CRPPA: variants seen among roughly 807,000 people sequenced by gnomAD.
CRPPA encodes D-ribitol-5-phosphate cytidylyltransferase.
Under a neutral mutation model 52.0 loss-of-function variants are expected in CRPPA, and 43 were observed. That is an observed-to-expected ratio of 0.83 (90% CI 0.65 to 1.07). CRPPA has a LOEUF of 1.07. Among genes scored for constraint, CRPPA ranks in the 50% least tolerant of loss-of-function variants. The pLI, the probability that CRPPA is intolerant of heterozygous loss-of-function variation, is 0.00. For missense variants in CRPPA, 629 were observed against 551.7 expected (o/e 1.14, Z -1.40); for synonymous variants, 250 against 203.5 (o/e 1.23, Z -1.94).
intron 9 of CRPPA, among the ~76,000 whole-genome samples, chr7:16,158,120 G>A (rs1026706556): frequency 2.0e-5 from 3 of 150,278 alleles, no homozygotes; most frequent in Non-Finnish European, 3.0e-5. Flanking sequence ...TCCTGACCTC[G>A]TGATCCGCCC....
intron 3 of CRPPA, among the ~76,000 whole-genome samples, chr7:16,321,028 AATGCCT>A (rs1785254216): frequency 6.6e-6 from 1 of 152,154 alleles, no homozygotes; most frequent in Admixed American, 6.5e-5. Context: ...GAAGTTTTCA[AATGCCT>A]ATCAGTGGGG....
chr7:16,379,277 T>A (rs1787004554), intron 2 of CRPPA, among the ~76,000 whole-genome samples: 1 of 152,210 alleles, frequency 6.6e-6, no homozygotes, highest in African/African-American at 2.4e-5. Flanking sequence ...CTTGAATTAA[T>A]TTGTCAAAGA....
intron 9 of CRPPA, among the ~76,000 whole-genome samples, chr7:16,096,341 C>T (rs188750968): frequency 6.6e-6 from 1 of 151,630 alleles, no homozygotes; most frequent in African/African-American, 2.4e-5. Flanking sequence ...ATGAGACATA[C>T]ATTGGAATCA....
intron 3 of CRPPA, among the ~76,000 whole-genome samples, chr7:16,346,031 C>A (rs1402680012): frequency 1.3e-5 from 2 of 152,056 alleles, no homozygotes; most frequent in Non-Finnish European, 2.9e-5. Context: ...ACTGATACAC[C>A]AAAATCAGAC....
intron 8 of CRPPA, among the ~76,000 whole-genome samples, chr7:16,250,378 A>G (rs879458256): frequency 1.3e-5 from 2 of 152,194 alleles, no homozygotes; most frequent in African/African-American, 2.4e-5. Context: ...AGAGACCACC[A>G]CAAACGTATT....
Position 16,293,660 on chromosome 7 carries a change from T to C in CRPPA, c.835+7761A>G, listed in dbSNP as rs1235488637. On this transcript the variant is annotated intron_variant, in intron 5 of 9. Transcript: ENST00000407010. Reference sequence around the variant, plus strand: ...CAAATAAAGACATGCAAGAAAACCATACACGCCCACACTGAAAGGTCAAAG... The same window carrying C: ...CAAATAAAGACATGCAAGAAAACCACACACGCCCACACTGAAAGGTCAAAG... Among the ~76,000 whole-genome samples, 5 of 152,022 alleles carry C rather than the reference T, an allele frequency of 3.3e-5. No individual in the cohort carries two copies. In the South Asian group the frequency reaches 8.3e-4, roughly 25 times the overall value.
chr7:16,285,840 T>C (rs1784414804), intron 5 of CRPPA, among the ~76,000 whole-genome samples: 1 of 150,458 alleles, frequency 6.6e-6, no homozygotes, highest in African/African-American at 2.5e-5. Context: ...CTGGCTAAGG[T>C]GAAACCCCAT....
chr7:16,291,282 T>G (rs752726867), intron 5 of CRPPA, among the ~76,000 whole-genome samples: 13 of 151,926 alleles, frequency 8.6e-5, no homozygotes, highest in Non-Finnish European at 1.8e-4. Flanking sequence ...AAGGAATATA[T>G]GTACCCCAAT....
In CRPPA at chr7:16,162,581, A is replaced by C. The variant is rs145990909; in HGVS notation, c.1251+53485T>G. Among the ~76,000 whole-genome samples, 1,016 of 152,216 alleles carry C rather than the reference A, an allele frequency of 6.7e-3. 13 individuals carry two copies. The highest frequency in any genetic ancestry group is 0.023 in the African/African-American group (973 of 41,522). ...TTCCATTCTTTTGCATTTGCTGAGG[A>C]GTGTTTTACTTCCAATTATGTGGTC... On this transcript the variant is annotated intron_variant, in intron 9 of 9. Transcript: ENST00000407010.
At chr7:16,226,844 G>C (rs970959224) in intron 8 of CRPPA, among the ~76,000 whole-genome samples, 6 of 151,842 alleles carry the variant, frequency 4.0e-5, no homozygotes, top group African/African-American at 1.4e-4. Flanking sequence ...AGTTTTTCAA[G>C]AACGTATTAA....
intron 5 of CRPPA, among the ~76,000 whole-genome samples, chr7:16,291,103 C>T (rs187323136): frequency 6.6e-6 from 1 of 151,974 alleles, no homozygotes; most frequent in Non-Finnish European, 1.5e-5. Context: ...AGTTACAGGG[C>T]TATTATCAAA....
At chr7:16,235,683 T>A (rs780720724) in intron 8 of CRPPA, among the ~76,000 whole-genome samples, 1 of 152,096 alleles carries the variant, frequency 6.6e-6, no homozygotes, top group Non-Finnish European at 1.5e-5. Flanking sequence ...AGAAGGTATC[T>A]TAGAGCCAGG....
At chr7:16,173,245 A>G (rs966056501) in intron 9 of CRPPA, among the ~76,000 whole-genome samples, 4 of 152,220 alleles carry the variant, frequency 2.6e-5, no homozygotes, top group Admixed American at 1.3e-4. Flanking sequence ...TCATTAATCA[A>G]GTGCCATATC....
At chr7:16,213,749 C>CA (rs11454459) in intron 9 of CRPPA, among the ~76,000 whole-genome samples, 41,266 of 131,686 alleles carry the variant, frequency 0.31, 5,852 homozygotes, top group South Asian at 0.5. Context: ...AACTTCGGCT[C>CA]AAAAAAAAAA....
At chr7:16,222,194 G>C (rs186542785) in intron 8 of CRPPA, among the ~76,000 whole-genome samples, 4 of 150,794 alleles carry the variant, frequency 2.7e-5, no homozygotes, top group African/African-American at 9.7e-5. Flanking sequence ...ACTGTTGCAA[G>C]AACAAAAAAC....
chr7:16,418,574 G>A (rs1172291616), intron 1 of CRPPA, among the ~76,000 whole-genome samples: 1 of 152,134 alleles, frequency 6.6e-6, no homozygotes, highest in Non-Finnish European at 1.5e-5. Flanking sequence ...AAAGGAAGGT[G>A]CCTTCTTCAC....
intron 8 of CRPPA, among the ~76,000 whole-genome samples, chr7:16,256,293 A>G (rs1370952715): frequency 3.3e-5 from 5 of 152,178 alleles, no homozygotes; most frequent in African/African-American, 1.2e-4. Flanking sequence ...CAGATGCTGG[A>G]GAGGATGTGG....
chr7:16,406,396 A>G, intron 1 of CRPPA, 59 bp from the exon 2 acceptor site: 2 of 1,455,064 alleles, frequency 1.4e-6, no homozygotes, highest in South Asian at 2.5e-5. Context: ...AAAGTGAGTA[A>G]CAGAAAATTG....
intron 9 of CRPPA, among the ~76,000 whole-genome samples, chr7:16,192,054 A>G (rs1562548770): frequency 6.6e-6 from 1 of 152,156 alleles, no homozygotes; most frequent in African/African-American, 2.4e-5. Flanking sequence ...TTTCTCTATA[A>G]AAAAGGGATG....
Sources: allele counts gnomAD v4.1 joint callset (sites outside exome capture counted in the v4.1 genomes callset), GRCh38; gene constraint gnomAD v4.1.1; transcripts MANE v1.5; gene names NCBI Gene and HGNC (gene_info 2026-07-23, HGNC 2026-07-21).